SOX5: variants seen among roughly 807,000 people sequenced by gnomAD.
SOX5 encodes the protein SRY-box transcription factor 5.
A neutral mutation model predicts 92.0 loss-of-function variants in SOX5; 9 were observed. The ratio of observed to expected loss-of-function variants is 0.10; its 90% CI spans 0.06 to 0.17. The LOEUF is 0.17. Among genes scored for constraint, SOX5 ranks in the 10% least tolerant of loss-of-function variants. The pLI is 1.00. For missense variants in SOX5, 642 were observed against 944.5 expected (o/e 0.68, Z 4.20); for synonymous variants, 344 against 336.3 (o/e 1.02, Z -0.25).
intron 13 of SOX5, among the ~76,000 whole-genome samples, chr12:23,540,361 T>TATA (rs5797023): frequency 0.22 from 31,078 of 142,500 alleles, 3,799 homozygotes; most frequent in South Asian, 0.31. Flanking sequence ...AAACTTAAAG[T>TATA]ATAATAATAA....
intron 1 of SOX5, among the ~76,000 whole-genome samples, chr12:24,457,195 ATCTTCT>A (rs972696523): frequency 6.6e-6 from 1 of 152,228 alleles, no homozygotes; most frequent in Non-Finnish European, 1.5e-5. Flanking sequence ...TATGAATATC[ATCTTCT>A]TAATAGAGTA....
At chr12:24,013,132 T>G (rs989656) in intron 4 of SOX5, among the ~76,000 whole-genome samples, 122,037 of 152,036 alleles carry the variant, frequency 0.8, 49,105 homozygotes, top group East Asian at 0.93. Flanking sequence ...AAGAGATGAG[T>G]TTCTGTATGT....
At chr12:23,992,288 G>A (rs1950633524) in intron 4 of SOX5, among the ~76,000 whole-genome samples, 1 of 151,924 alleles carries the variant, frequency 6.6e-6, no homozygotes, top group Admixed American at 6.6e-5. Flanking sequence ...ATTTTCCTCA[G>A]GTAGAAAATT....
intron 1 of SOX5, among the ~76,000 whole-genome samples, chr12:24,458,927 G>T (rs1451957265): frequency 6.6e-6 from 1 of 152,036 alleles, no homozygotes; most frequent in African/African-American, 2.4e-5. Context: ...GAGACCAAAA[G>T]AAATTGTCAG....
upstream of SOX5, chr12:23,949,748 CTCTCCCTCTCTCTCTCTG>C: frequency 1.0e-6 from 1 of 974,628 alleles, no homozygotes; most frequent in Non-Finnish European, 1.5e-6. Flanking sequence ...CTCTCTCTCT[CTCTCCCTCTCTCTCTCTG>C]TCTCTCTCTC....
chr12:24,387,436 A>G lies in SOX5; in HGVS notation c.-250-18797T>C, dbSNP rs552585472. On this transcript the variant is annotated intron_variant, in intron 1 of 4. Coordinates refer to the SOX5 transcript ENST00000446891. Reference sequence around the variant, plus strand: ...GACCCAAGACAATTCTTCGTTTTCCAGTATGACCCAGGGAAGCCAAAAGAT... The same window carrying G: ...GACCCAAGACAATTCTTCGTTTTCCGGTATGACCCAGGGAAGCCAAAAGAT... 9.0e-4 allele frequency among the ~76,000 whole-genome samples: 137 copies of G among 152,240 alleles called. 1 individual carries two copies. The highest frequency in any genetic ancestry group is 2.9e-3 in the African/African-American group (122 of 41,550).
At chr12:24,531,301 C>A (rs547829351) in intron 1 of SOX5, among the ~76,000 whole-genome samples, 1 of 152,062 alleles carries the variant, frequency 6.6e-6, no homozygotes, top group Admixed American at 6.5e-5. Context: ...ACACAAAAAG[C>A]CACTGAAATT....
At chr12:23,976,390 T>TAAAAAAA (rs1327142180) in intron 4 of SOX5, among the ~76,000 whole-genome samples, 6 of 111,576 alleles carry the variant, frequency 5.4e-5, no homozygotes, top group African/African-American at 1.8e-4. Flanking sequence ...TGAACACTAT[T>TAAAAAAA]AAAAAAACAA....
chr12:23,976,622 T>G (rs969849618), intron 4 of SOX5, among the ~76,000 whole-genome samples: 1 of 152,130 alleles, frequency 6.6e-6, no homozygotes, highest in Admixed American at 6.6e-5. Flanking sequence ...TGCGATGTGA[T>G]GTGGAAGTCC....
At chr12:24,279,597 T>C (rs1215745850) in intron 2 of SOX5, among the ~76,000 whole-genome samples, 2 of 151,974 alleles carry the variant, frequency 1.3e-5, no homozygotes, top group Non-Finnish European at 2.9e-5. Flanking sequence ...TTTCCTAGAG[T>C]TGAGAGAAAA....
intron 4 of SOX5, among the ~76,000 whole-genome samples, chr12:24,152,911 G>A (rs769548242): frequency 5.3e-5 from 8 of 152,108 alleles, no homozygotes; most frequent in Non-Finnish European, 7.4e-5. Context: ...CCTTTGAAAT[G>A]TTTAATTAGC....
chr12:23,983,756 TACAA>T (rs1490920271), intron 4 of SOX5, among the ~76,000 whole-genome samples: 2 of 152,160 alleles, frequency 1.3e-5, no homozygotes, highest in African/African-American at 4.8e-5. Flanking sequence ...ACGGAGAACT[TACAA>T]ACCAGATTTC....
intron 6 of SOX5, among the ~76,000 whole-genome samples, chr12:23,726,333 T>C (rs150111833): frequency 1.3e-5 from 2 of 152,260 alleles, no homozygotes; most frequent in African/African-American, 4.8e-5. Context: ...GTGCTCTTCA[T>C]AGAGTAATTC....
At chr12:23,642,341 T>C (rs891534125) in intron 7 of SOX5, among the ~76,000 whole-genome samples, 1 of 152,192 alleles carries the variant, frequency 6.6e-6, no homozygotes, top group Non-Finnish European at 1.5e-5. Flanking sequence ...GTATAATATA[T>C]AATGGCAGTT....
At chr12:23,595,657 T>G (rs1478868742) in intron 9 of SOX5, among the ~76,000 whole-genome samples, 2 of 146,628 alleles carry the variant, frequency 1.4e-5, no homozygotes, top group Non-Finnish European at 3.0e-5. Flanking sequence ...TGTGACCGAA[T>G]GTACTTCCAT....
intron 2 of SOX5, among the ~76,000 whole-genome samples, chr12:24,313,728 GCTCT>G (rs1266936830): frequency 3.9e-5 from 6 of 152,106 alleles, no homozygotes; most frequent in Non-Finnish European, 5.9e-5. Flanking sequence ...ATATTCATAC[GCTCT>G]CTTTCTTTCC....
At chr12:23,700,854 T>C (rs2090526784) in intron 6 of SOX5, among the ~76,000 whole-genome samples, 1 of 151,996 alleles carries the variant, frequency 6.6e-6, no homozygotes, top group Non-Finnish European at 1.5e-5. Context: ...TAAATATTTT[T>C]ATTATATTGA....
At chr12:23,537,716 C>T (rs1958789623) in intron 13 of SOX5, among the ~76,000 whole-genome samples, 2 of 151,592 alleles carry the variant, frequency 1.3e-5, no homozygotes, top group South Asian at 2.1e-4. Flanking sequence ...TGCTAATTCA[C>T]ATTTTAGATA....
At chr12:23,916,922 A>G (rs778860391) in intron 1 of SOX5, among the ~76,000 whole-genome samples, 7 of 152,196 alleles carry the variant, frequency 4.6e-5, no homozygotes, top group Admixed American at 2.0e-4. Flanking sequence ...AAAATTTTAT[A>G]CATGGATATT....
Sources: gnomAD v4.1 joint callset for allele counts (sites outside exome capture counted in the v4.1 genomes callset) on GRCh38, gnomAD v4.1.1 for gene constraint, MANE v1.5 for transcripts, NCBI Gene and HGNC (gene_info 2026-07-23, HGNC 2026-07-21) for gene names.